The following SLCO6A1 variants were observed in gnomAD, a reference collection of about 807,000 sequenced individuals.
SLCO6A1 encodes solute carrier organic anion transporter family member 6A1, also known as cancer/testis antigen 48.
Under a neutral mutation model 72.7 loss-of-function variants are expected in SLCO6A1, and 65 were observed. The observed-to-expected ratio is 0.89, with a 90% CI of 0.73 to 1.10. SLCO6A1 has a LOEUF of 1.10. SLCO6A1 is among the 50% of genes least tolerant of loss of function. SLCO6A1 has a pLI of 0.00. For missense variants in SLCO6A1, 874 were observed against 872.6 expected, an observed-to-expected ratio of 1.00 and a Z score of -0.02; for synonymous variants, 314 against 298.2, an observed-to-expected ratio of 1.05 and a Z score of -0.55.
rs1317048434 is a variant in SLCO6A1 at position 102,498,989 on chromosome 5, G to C, written c.-145C>G. On this transcript the variant is annotated 5_prime_UTR_variant, in exon 1 of 14. Transcript: ENST00000506729. ...CTCTTGCCGCCCAAGCCTCCAGAGC[G>C]AACGTTTCTCCTAGGGCAGGAGGCA... 1 of 748,328 alleles carries C rather than the reference G, an allele frequency of 1.3e-6. No homozygotes were observed. The highest frequency in any genetic ancestry group is 2.2e-6 in the Non-Finnish European group (1 of 455,722). The allele number at this position is 748,328 out of a possible 1,614,324, so 46.4% of individuals were successfully genotyped here.
chr5:102,439,430 A>G (rs1749717900), intron 6 of SLCO6A1, among the ~76,000 whole-genome samples: 1 of 152,090 alleles, frequency 6.6e-6, no homozygotes. Flanking sequence ...TATCTCACTG[A>G]AAATATATTT....
chr5:102,454,661 CTT>C (rs149894194), intron 6 of SLCO6A1, among the ~76,000 whole-genome samples: 1 of 147,170 alleles, frequency 6.8e-6, no homozygotes. Flanking sequence ...AATTGGCTTG[CTT>C]TTTTTTTTCT....
intron 4 of SLCO6A1, among the ~76,000 whole-genome samples, chr5:102,461,493 C>T (rs1008439223): frequency 1.3e-5 from 2 of 151,994 alleles, no homozygotes; most frequent in Non-Finnish European, 1.5e-5. Context: ...TAAATGGGTA[C>T]TTCTCTTACC....
intron 2 of SLCO6A1, among the ~76,000 whole-genome samples, chr5:102,478,847 T>C (rs1752044397): frequency 6.6e-6 from 1 of 152,220 alleles, no homozygotes; most frequent in African/African-American, 2.4e-5. Flanking sequence ...TCTGGTTTAG[T>C]ATCCATGTGA....
chr5:102,432,541 A>C (rs1328711743), intron 7 of SLCO6A1, among the ~76,000 whole-genome samples: 1 of 152,126 alleles, frequency 6.6e-6, no homozygotes, highest in Non-Finnish European at 1.5e-5. Context: ...CTTTTCTTTT[A>C]GAATGTTGAA....
chr5:102,476,051 AG>A (rs1751882053), intron 3 of SLCO6A1, among the ~76,000 whole-genome samples: 1 of 152,100 alleles, frequency 6.6e-6, no homozygotes, highest in African/African-American at 2.4e-5. Flanking sequence ...TTTGGGGACC[AG>A]GGGGTAATGG....
chr5:102,397,409 T>A (rs1371809009), intron 10 of SLCO6A1, among the ~76,000 whole-genome samples: 2 of 152,204 alleles, frequency 1.3e-5, no homozygotes, highest in African/African-American at 4.8e-5. Context: ...ACACTTCCTC[T>A]GCCTCTCCAA....
intron 10 of SLCO6A1, among the ~76,000 whole-genome samples, chr5:102,398,425 G>C (rs990353411): frequency 6.6e-6 from 1 of 152,030 alleles, no homozygotes; most frequent in Non-Finnish European, 1.5e-5. Context: ...TGATCCATCC[G>C]CAACGGCCTC....
At chr5:102,378,814 G>A (rs1216227058) in intron 12 of SLCO6A1, among the ~76,000 whole-genome samples, 6 of 151,810 alleles carry the variant, frequency 4.0e-5, no homozygotes, top group Admixed American at 6.6e-5. Flanking sequence ...AGAGTTTCAC[G>A]CTTGTCACCC....
chr5:102,477,299 T>C (rs964850304), intron 3 of SLCO6A1, among the ~76,000 whole-genome samples: 2 of 152,092 alleles, frequency 1.3e-5, no homozygotes, highest in African/African-American at 4.8e-5. Flanking sequence ...TTTTTTTGTA[T>C]TTTTAGTAAA....
chr5:102,486,501 C>G (rs1439669610), intron 1 of SLCO6A1, among the ~76,000 whole-genome samples: 2 of 151,722 alleles, frequency 1.3e-5, no homozygotes, highest in African/African-American at 4.8e-5. Flanking sequence ...TAAAACAGTT[C>G]AAAATCATAA....
intron 1 of SLCO6A1, among the ~76,000 whole-genome samples, chr5:102,497,711 T>C (rs1488685643): frequency 6.6e-6 from 1 of 152,242 alleles, no homozygotes; most frequent in Non-Finnish European, 1.5e-5. Flanking sequence ...TAGGCCGAAC[T>C]AACTTTGGGA....
Position 102,388,830 on chromosome 5 carries a change from GAAAAAT to G in SLCO6A1, c.1880-11_1880-6del, listed in dbSNP as rs764608566. 11 of 1,588,232 alleles carry G rather than the reference GAAAAAT, an allele frequency of 6.9e-6. No individual in the cohort carries two copies. The highest frequency in any genetic ancestry group is 9.4e-6 in the Non-Finnish European group (11 of 1,172,878). On this transcript the variant is annotated splice_region_variant and splice_polypyrimidine_tract_variant and intron_variant, in intron 11 of 13. Coordinates refer to ENST00000506729, the MANE Select transcript of SLCO6A1 (RefSeq NM_173488.5). ...TTGATGGTCCAGGAATAGTCCCTAT[GAAAAAT>G]GCAATGATTGTAAATTCTTTGTGAA...
At chr5:102,380,879 C>T (rs1460173067) in intron 12 of SLCO6A1, among the ~76,000 whole-genome samples, 7 of 151,888 alleles carry the variant, frequency 4.6e-5, no homozygotes. Flanking sequence ...TTGAAATCAC[C>T]TGAGTACTTT....
Position 102,438,649 on chromosome 5 carries a change from A to G in SLCO6A1, c.1244T>C (p.Ile415Thr), listed in dbSNP as rs749937317. The G allele has an allele frequency of 3.1e-5, 49 of 1,592,104 alleles. No individual in the cohort carries two copies. Among genetic ancestry groups the G allele is most frequent in the Non-Finnish European group, 3.8e-5 (45 of 1,173,424 alleles). Residue 415 changes from isoleucine (I) to threonine (T), a missense_variant, in exon 7 of 14, where the codon ATA becomes ACA. Transcript: ENST00000506729. The part of the protein sequence containing the change: ...FLPIYLENQF[I>T]LTPTVATTLA... ...TGTAGTTGCCACAGTGGGTGTTAAT[A>G]TAAACTGATTTTCTAAATATATAGG...
intron 12 of SLCO6A1, among the ~76,000 whole-genome samples, chr5:102,387,711 A>T (rs961900123): frequency 1.3e-5 from 2 of 152,172 alleles, no homozygotes; most frequent in Non-Finnish European, 2.9e-5. Flanking sequence ...TTTTTGAATT[A>T]CTGAATCTAC....
rs991220037 is a variant in SLCO6A1, at chr5:102,485,682, C to T, written c.359-5248G>A. ...CTGGGAGAGGACACATGAAAACTTG[C>T]GCCTGTTTTTTTCCAGACTTCATCC... On this transcript the variant is annotated intron_variant, in intron 1 of 13. Coordinates refer to ENST00000506729, the MANE Select transcript of SLCO6A1 (RefSeq NM_173488.5). Among the ~76,000 whole-genome samples the T allele has an allele frequency of 3.9e-5, 6 of 152,146 alleles. No individual in the cohort carries two copies. In the East Asian group the frequency reaches 5.8e-4, roughly 15 times the overall value.
intron 1 of SLCO6A1, among the ~76,000 whole-genome samples, chr5:102,491,416 T>A (rs1434062137): frequency 6.6e-6 from 1 of 152,208 alleles, no homozygotes; most frequent in Non-Finnish European, 1.5e-5. Flanking sequence ...GGGTGGTCGA[T>A]GGGACTGGGC....
chr5:102,460,254 T>C (rs1750955786), intron 4 of SLCO6A1, among the ~76,000 whole-genome samples: 1 of 152,124 alleles, frequency 6.6e-6, no homozygotes. Context: ...GAAATCCCTT[T>C]CTTCTAGTCC....
Sources: allele counts gnomAD v4.1 joint callset (sites outside exome capture counted in the v4.1 genomes callset), GRCh38; gene constraint gnomAD v4.1.1; transcripts MANE v1.5; gene names NCBI Gene and HGNC (gene_info 2026-07-23, HGNC 2026-07-21).